The following AKT3 variants were observed in gnomAD, a reference collection of about 807,000 sequenced individuals.
AKT3 encodes the protein AKT serine/threonine kinase 3.
In AKT3, 15 loss-of-function variants were observed where a neutral mutation model predicts 65.3. That is an observed-to-expected ratio of 0.23 (90% CI 0.15 to 0.35). The LOEUF (loss-of-function observed/expected upper bound fraction) is 0.35, where lower values mean the gene tolerates loss of function less well. Ranked by LOEUF, AKT3 falls within the 10% of genes least tolerant of loss-of-function variation. AKT3 has a pLI of 1.00. For missense variants in AKT3, 243 were observed against 576.5 expected (o/e 0.42, Z 5.92); for synonymous variants, 206 against 183.8 (o/e 1.12, Z -0.98).
intron 3 of AKT3, among the ~76,000 whole-genome samples, chr1:243,675,742 C>G (rs1380824621): frequency 6.6e-6 from 1 of 152,112 alleles, no homozygotes; most frequent in Non-Finnish European, 1.5e-5. Context: ...ATGTTCTTGG[C>G]TCCCTATCCT....
rs181381552 is a variant in AKT3, at chr1:243,612,299, G to C, written c.696+1372C>G. 6.0e-4 allele frequency among the ~76,000 whole-genome samples: 91 copies of C among 151,598 alleles called. 1 individual carries two copies. The highest frequency in any genetic ancestry group is 1.0e-3 in the Non-Finnish European group (68 of 67,896). On this transcript the variant is annotated intron_variant, in intron 8 of 13. Transcript: ENST00000673466. Reference sequence around the variant, plus strand: ...CCAGGTAATTTTTTTATTTTTTGTAGAGACAAGCTTCCACTATGTTGCCCA... The same window carrying C: ...CCAGGTAATTTTTTTATTTTTTGTACAGACAAGCTTCCACTATGTTGCCCA...
rs1166300526 is a variant in AKT3, at chr1:243,505,038, A to G, written c.*211T>C. ...CAACAGCATGAGACCTTAGACTGAG[A>G]TACAATTTCATGCAAAAACAAAAAC... On this transcript the variant is annotated 3_prime_UTR_variant, in exon 14 of 14. Coordinates refer to ENST00000673466, the MANE Select transcript of AKT3 (RefSeq NM_005465.7). 3 of 548,936 alleles carry G rather than the reference A, an allele frequency of 5.5e-6. No homozygotes were observed. Among genetic ancestry groups the G allele is most frequent in the African/African-American group, 3.8e-5 (2 of 52,784 alleles). The allele number at this position is 548,936 out of a possible 1,614,324, so 34.0% of individuals were successfully genotyped here.
intron 11 of AKT3, chr1:243,548,324 A>G (rs1672817749): frequency 6.6e-6 from 1 of 152,196 alleles, no homozygotes; most frequent in African/African-American, 2.4e-5. Context: ...AAAATGTTTT[A>G]ATCCAGCTTT....
At chr1:243,781,650 C>T (rs896539068) in intron 2 of AKT3, among the ~76,000 whole-genome samples, 11 of 152,008 alleles carry the variant, frequency 7.2e-5, no homozygotes, top group Non-Finnish European at 1.0e-4. Flanking sequence ...AGTGACAGAC[C>T]TATGGATTTT....
At chr1:243,850,743 C>A (rs1215978597), upstream of AKT3, among the ~76,000 whole-genome samples, 1 of 151,906 alleles carries the variant, frequency 6.6e-6, no homozygotes, top group Non-Finnish European at 1.5e-5. Flanking sequence ...CGTCCTCAGG[C>A]TTCCCCGCGC....
At chr1:243,528,709 A>G (rs1671322675) in intron 12 of AKT3, among the ~76,000 whole-genome samples, 1 of 152,130 alleles carries the variant, frequency 6.6e-6, no homozygotes. Context: ...TACATTCTTT[A>G]TCCAATCTGT....
At chr1:243,802,069 A>G (rs754286852) in intron 2 of AKT3, among the ~76,000 whole-genome samples, 18 of 152,206 alleles carry the variant, frequency 1.2e-4, no homozygotes, top group Non-Finnish European at 2.5e-4. Flanking sequence ...TGGTTTTCAC[A>G]ATCATCTTAA....
intron 12 of AKT3, among the ~76,000 whole-genome samples, chr1:243,535,942 T>G (rs1671895742): frequency 6.6e-6 from 1 of 152,228 alleles, no homozygotes; most frequent in Non-Finnish European, 1.5e-5. Context: ...GGTATCTCAC[T>G]GTGGTTTTAT....
intron 2 of AKT3, among the ~76,000 whole-genome samples, chr1:243,832,024 T>C (rs1401983427): frequency 6.7e-6 from 1 of 148,266 alleles, no homozygotes; most frequent in Non-Finnish European, 1.5e-5. Context: ...CTCCTGCCTG[T>C]AATCCCAACA....
At chr1:243,533,249 A>G (rs973191375) in intron 12 of AKT3, among the ~76,000 whole-genome samples, 15 of 152,252 alleles carry the variant, frequency 9.9e-5, no homozygotes, top group Admixed American at 3.9e-4. Context: ...GTGCATCTAC[A>G]CATGGAACTA....
intron 12 of AKT3, among the ~76,000 whole-genome samples, chr1:243,527,936 C>CACACACACACAG (rs1671266313): frequency 1.6e-4 from 6 of 38,270 alleles, no homozygotes; most frequent in African/African-American, 3.9e-4. Flanking sequence ...CACACACACA[C>CACACACACACAG]AGAGAGAGAG....
intron 12 of AKT3, among the ~76,000 whole-genome samples, chr1:243,515,813 C>A (rs993828308): frequency 3.9e-5 from 6 of 152,058 alleles, no homozygotes; most frequent in Admixed American, 1.3e-4. Flanking sequence ...ACATGGGAAA[C>A]CCCCGTCTCT....
downstream of AKT3, among the ~76,000 whole-genome samples, chr1:243,495,449 G>A (rs1667574718): frequency 6.6e-6 from 1 of 152,224 alleles, no homozygotes; most frequent in Non-Finnish European, 1.5e-5. Flanking sequence ...ACTGCGGTGT[G>A]GAGGCTGTTA....
chr1:243,826,147 A>C (rs1406135585), intron 2 of AKT3, among the ~76,000 whole-genome samples: 2 of 152,154 alleles, frequency 1.3e-5, no homozygotes, highest in East Asian at 3.8e-4. Flanking sequence ...AGAAAAAAAA[A>C]AGAAAGGAGC....
intron 11 of AKT3, among the ~76,000 whole-genome samples, chr1:243,549,440 T>A (rs757226203): frequency 2.8e-4 from 42 of 151,870 alleles, no homozygotes; most frequent in African/African-American, 9.4e-4. Context: ...ATATTCTTTT[T>A]AAAAAAAAGA....
intron 2 of AKT3, among the ~76,000 whole-genome samples, chr1:243,774,724 T>A (rs1017172434): frequency 2.6e-5 from 4 of 152,214 alleles, no homozygotes; most frequent in African/African-American, 4.8e-5. Flanking sequence ...TTTGGTAACA[T>A]CCTAGTACAT....
At chr1:243,654,449 T>A (rs1572108879) in intron 4 of AKT3, among the ~76,000 whole-genome samples, 1 of 152,184 alleles carries the variant, frequency 6.6e-6, no homozygotes, top group East Asian at 1.9e-4. Flanking sequence ...AGGTTAGTTA[T>A]TATAGGTGTG....
intron 5 of AKT3, among the ~76,000 whole-genome samples, chr1:243,642,639 A>G (rs1445916735): frequency 2.0e-5 from 3 of 152,092 alleles, no homozygotes; most frequent in Non-Finnish European, 2.9e-5. Context: ...ATATAGGAGT[A>G]TGAATACTCT....
chr1:243,658,582 TA>T, intron 4 of AKT3, among the ~76,000 whole-genome samples: 1 of 152,278 alleles, frequency 6.6e-6, no homozygotes, highest in East Asian at 1.9e-4. Context: ...AACTTAAAAG[TA>T]GAACTACCAA....
Sources: allele counts gnomAD v4.1 joint callset (sites outside exome capture counted in the v4.1 genomes callset), GRCh38; gene constraint gnomAD v4.1.1; transcripts MANE v1.5; gene names NCBI Gene and HGNC (gene_info 2026-07-23, HGNC 2026-07-21).